UNC5C: variants seen among roughly 807,000 people sequenced by gnomAD.
The protein encoded by UNC5C is netrin receptor UNC5C.
A neutral mutation model predicts 99.8 loss-of-function variants in UNC5C; 47 were observed. The ratio of observed to expected loss-of-function variants is 0.47; its 90% CI spans 0.37 to 0.60. The LOEUF (loss-of-function observed/expected upper bound fraction) is 0.60. Among genes scored for constraint, UNC5C ranks in the 20% least tolerant of loss-of-function variants. The pLI, the probability that UNC5C is intolerant of heterozygous loss-of-function variation, is 0.00. For missense variants in UNC5C, 1,062 were observed against 1,165.9 expected (o/e 0.91, Z 1.30); for synonymous variants, 487 against 452.2 (o/e 1.08, Z -0.98).
chr4:95,524,602 T>C (rs992156004), intron 1 of UNC5C, among the ~76,000 whole-genome samples: 1 of 152,172 alleles, frequency 6.6e-6, no homozygotes, highest in Non-Finnish European at 1.5e-5. Context: ...GTCTTTTGTT[T>C]TAGACGGGAC....
At chr4:95,185,663 C>CAACA (rs1222261832) in intron 12 of UNC5C, among the ~76,000 whole-genome samples, 1 of 152,010 alleles carries the variant, frequency 6.6e-6, no homozygotes, top group Non-Finnish European at 1.5e-5. Context: ...TAAAACCAAA[C>CAACA]AACAAATAAA....
At chr4:95,244,042 T>G (rs1739415321) in intron 6 of UNC5C, among the ~76,000 whole-genome samples, 2 of 152,132 alleles carry the variant, frequency 1.3e-5, no homozygotes, top group African/African-American at 4.8e-5. Context: ...GTGTAGATTA[T>G]GTATATCTCT....
At chr4:95,196,745 G>C (rs1737413053) in intron 12 of UNC5C, among the ~76,000 whole-genome samples, 1 of 42,278 alleles carries the variant, frequency 2.4e-5, no homozygotes, top group Non-Finnish European at 4.5e-5. Flanking sequence ...TTATATTTAT[G>C]TAATATATAA....
chr4:95,479,748 A>C (rs1721079805), intron 1 of UNC5C, among the ~76,000 whole-genome samples: 1 of 151,952 alleles, frequency 6.6e-6, no homozygotes, highest in South Asian at 2.1e-4. Flanking sequence ...TGAATACAAT[A>C]GTTAATTTTA....
intron 1 of UNC5C, among the ~76,000 whole-genome samples, chr4:95,357,935 C>A (rs978460263): frequency 3.9e-5 from 6 of 152,028 alleles, no homozygotes; most frequent in South Asian, 2.1e-4. Flanking sequence ...TGGGATAATG[C>A]TATACATGTT....
At chr4:95,541,012 A>G (rs1004735238) in intron 1 of UNC5C, among the ~76,000 whole-genome samples, 2 of 152,212 alleles carry the variant, frequency 1.3e-5, no homozygotes, top group African/African-American at 4.8e-5. Flanking sequence ...ATGAAATTCC[A>G]AAAAGATATT....
intron 1 of UNC5C, among the ~76,000 whole-genome samples, chr4:95,436,450 G>A (rs1414182188): frequency 2.6e-5 from 4 of 151,952 alleles, no homozygotes; most frequent in South Asian, 2.1e-4. Context: ...CAGAGTGATT[G>A]TCCAAATATT....
At chr4:95,421,286 G>T (rs1464615967) in intron 1 of UNC5C, among the ~76,000 whole-genome samples, 1 of 152,124 alleles carries the variant, frequency 6.6e-6, no homozygotes, top group Non-Finnish European at 1.5e-5. Flanking sequence ...TCTTCATAAA[G>T]GTTGGCCATG....
At chr4:95,185,239 G>T in intron 12 of UNC5C, 43 bp from the exon 13 acceptor site, 1 of 1,559,550 alleles carries the variant, frequency 6.4e-7, no homozygotes, top group African/African-American at 1.4e-5. Flanking sequence ...TATTGATTTG[G>T]ATCACTTCTG....
intron 1 of UNC5C, among the ~76,000 whole-genome samples, chr4:95,537,718 G>A (rs1254506405): frequency 1.3e-5 from 2 of 152,128 alleles, no homozygotes; most frequent in Non-Finnish European, 2.9e-5. Flanking sequence ...CAGCAATAAT[G>A]CATCATACTA....
intron 1 of UNC5C, among the ~76,000 whole-genome samples, chr4:95,385,937 G>C (rs1745199475): frequency 6.6e-6 from 1 of 152,114 alleles, no homozygotes; most frequent in African/African-American, 2.4e-5. Flanking sequence ...AAGTTACTCT[G>C]TTTTATACGA....
intron 1 of UNC5C, among the ~76,000 whole-genome samples, chr4:95,478,262 C>A (rs1030601093): frequency 1.5e-4 from 23 of 151,996 alleles, no homozygotes; most frequent in Non-Finnish European, 2.7e-4. Flanking sequence ...AAAGGCTGAA[C>A]CTTCTGTGTG....
In UNC5C at chr4:95,199,301, G is replaced by A. The variant is rs1737558644; in HGVS notation, c.2136+3430C>T. 2.0e-5 allele frequency among the ~76,000 whole-genome samples: 3 copies of A among 152,140 alleles called. No individual in the cohort carries two copies. In the South Asian group the frequency reaches 6.2e-4, roughly 32 times the overall value. ...GCCCCAAATTTCCAATTCAAGCGTG[G>A]GTGTGAGGAAGAGATGGCGTGACTG... On this transcript the variant is annotated intron_variant, in intron 12 of 15. Coordinates refer to ENST00000453304, the MANE Select transcript of UNC5C (RefSeq NM_003728.4).
chr4:95,466,489 T>C (rs265027), intron 1 of UNC5C, among the ~76,000 whole-genome samples: 36,185 of 151,972 alleles, frequency 0.24, 5,160 homozygotes, highest in African/African-American at 0.39. Context: ...TCAATTCCAT[T>C]TTCCCCTGTT....
At chr4:95,345,230 C>T (rs1743727350) in intron 1 of UNC5C, among the ~76,000 whole-genome samples, 1 of 151,508 alleles carries the variant, frequency 6.6e-6, no homozygotes, top group Admixed American at 6.6e-5. Context: ...TTTTTCAATA[C>T]AAAAACTATA....
intron 1 of UNC5C, among the ~76,000 whole-genome samples, chr4:95,418,034 T>G (rs1746218315): frequency 6.6e-6 from 1 of 152,170 alleles, no homozygotes. Flanking sequence ...ATTAGAAACT[T>G]TATGGTGACT....
In UNC5C at chr4:95,268,232, C is replaced by T. The variant is rs1312543343; in HGVS notation, c.594+10027G>A. 4.3e-4 allele frequency among the ~76,000 whole-genome samples: 65 copies of T among 152,304 alleles called. 1 individual carries two copies. The highest frequency in any genetic ancestry group is 4.2e-3 in the Admixed American group (64 of 15,304). The stretch of plus-strand genomic sequence containing the variant: ...GGGATTACAGGCGTGAGCCACCGCG[C>T]CCGGCCTGTGATTTCTTTTAGTGTA... On this transcript the variant is annotated intron_variant, in intron 4 of 15. Coordinates refer to ENST00000453304, the MANE Select transcript of UNC5C (RefSeq NM_003728.4).
rs1329965789 is a variant in UNC5C, at chr4:95,164,894, C to G, written c.*4340G>C. 2.0e-5 allele frequency: 3 copies of G among 152,262 alleles called. No individual in the cohort carries two copies. The highest frequency in any genetic ancestry group is 4.8e-5 in the African/African-American group (2 of 41,462). The allele number at this position is 152,262 out of a possible 1,614,324, so 9.4% of individuals were successfully genotyped here. ...AAACCTTTTCTACCTTCTTTATGCT[C>G]TCTTGCAAGTCCTTATATAGGTTTA... is the stretch of plus-strand genomic sequence containing the variant. On this transcript the variant is annotated 3_prime_UTR_variant, in exon 16 of 16. Transcript: ENST00000453304.
In UNC5C at chr4:95,167,360, C is replaced by A. The variant is rs1735897524; in HGVS notation, c.*1874G>T. The A allele has an allele frequency of 6.6e-6, 1 of 152,140 alleles. No homozygotes were observed. Among genetic ancestry groups the A allele is most frequent in the Admixed American group, 6.5e-5 (1 of 15,280 alleles). The allele number at this position is 152,140 out of a possible 1,614,324, so 9.4% of individuals were successfully genotyped here. A position where few individuals can be genotyped will look rare whatever the true frequency, so the allele number is the denominator to read the frequency against. On this transcript the variant is annotated 3_prime_UTR_variant, in exon 16 of 16. Transcript: ENST00000453304. ...AGAGCTTGTGATGGTCCCAAGGAAA[C>A]ATAATAGTTGTTTACACAAAGTAGT...
Sources: allele counts gnomAD v4.1 joint callset (sites outside exome capture counted in the v4.1 genomes callset), GRCh38; gene constraint gnomAD v4.1.1; transcripts MANE v1.5; gene names NCBI Gene and HGNC (gene_info 2026-07-23, HGNC 2026-07-21).